The following DCAF1 variants were observed in gnomAD, a reference collection of about 807,000 sequenced individuals.
DCAF1 encodes the protein DDB1- and CUL4-associated factor 1.
A neutral mutation model predicts 128.0 loss-of-function variants in DCAF1; 15 were observed. The observed-to-expected ratio is 0.12, with a 90% CI of 0.08 to 0.18. DCAF1 has a LOEUF of 0.18. Ranked by LOEUF, DCAF1 falls within the 10% of genes least tolerant of loss-of-function variation. DCAF1 has a pLI of 1.00. For synonymous variants in DCAF1, 610 were observed against 603.0 expected, an observed-to-expected ratio of 1.01 and a Z score of -0.17; for missense variants, 988 against 1,649.5, an observed-to-expected ratio of 0.60 and a Z score of 6.95.
chr3:51,487,345 C>T (rs1234698345), intron 2 of DCAF1, among the ~76,000 whole-genome samples: 2 of 152,172 alleles, frequency 1.3e-5, no homozygotes, highest in African/African-American at 2.4e-5. Flanking sequence ...TTCCCACATA[C>T]CTCTCACCCA....
At position 51,413,369 on chromosome 3, in the gene DCAF1, C is replaced by T. The variant is rs1055511967; in HGVS notation, c.3949G>A (p.Asp1317Asn). ...VMYGAMLQADDEDDLMEERMK... is the reference protein window; with the variant it reads ...VMYGAMLQADNEDDLMEERMK... ...CTCTCTTCCATTAAGTCATCTTCAT[C>T]ATCTGCCTGCAACATAGCTTGAGGG... The change falls in exon 21 of 25, where the codon GAT becomes AAT. Residue 1317 changes from aspartate to asparagine, a missense_variant. Coordinates refer to ENST00000684031, the MANE Select transcript of DCAF1 (RefSeq NM_001387579.1). The T allele has an allele frequency of 1.9e-6, 3 of 1,612,952 alleles. No individual in the cohort carries two copies. The highest frequency in any genetic ancestry group is 2.5e-6 in the Non-Finnish European group (3 of 1,179,490).
intron 6 of DCAF1, among the ~76,000 whole-genome samples, chr3:51,449,786 A>G (rs1477903848): frequency 1.3e-5 from 2 of 152,180 alleles, no homozygotes; most frequent in Non-Finnish European, 2.9e-5. Context: ...GACTCACATT[A>G]CTAGCAACAG....
intron 18 of DCAF1, 70 bp from the exon 19 acceptor site, chr3:51,414,927 G>A: frequency 6.6e-7 from 1 of 1,524,998 alleles, no homozygotes; most frequent in Admixed American, 2.1e-5. Context: ...AAGAGAAAAT[G>A]TGCAAAGCAG....
At chr3:51,440,212 T>C (rs1428264203) in intron 9 of DCAF1, 1 of 492,904 alleles carries the variant, frequency 2.0e-6, no homozygotes, top group Non-Finnish European at 4.0e-6. Context: ...TAAACAAGAA[T>C]GTTTTGATTG....
chr3:51,419,842 C>T lies in DCAF1; in HGVS notation c.3128G>A (p.Arg1043Lys). Residue 1043 changes from arginine (R) to lysine (K), a missense_variant, in exon 15 of 25, where the codon AGG becomes AAG. By Grantham distance (26) the Arg-to-Lys change is conservative. Coordinates refer to ENST00000684031, the MANE Select transcript of DCAF1 (RefSeq NM_001387579.1). ...TPHQCPEPKQ[R>K]RQAPINFTSR... is the part of the protein sequence containing the mutation. Reference sequence around the variant, plus strand: ...CGTAAAGTTTATTGGCGCTTGCCGCCTCTGTTTTGGCTCAGGACATTGGTG... The same window carrying T: ...CGTAAAGTTTATTGGCGCTTGCCGCTTCTGTTTTGGCTCAGGACATTGGTG... 1.9e-6 allele frequency: 3 copies of T among 1,614,030 alleles called. No individual in the cohort carries two copies. Among genetic ancestry groups the T allele is most frequent in the Non-Finnish European group, 2.5e-6 (3 of 1,179,892 alleles).
intron 6 of DCAF1, among the ~76,000 whole-genome samples, chr3:51,462,397 C>A (rs573392156): frequency 1.8e-4 from 28 of 151,842 alleles, no homozygotes; most frequent in South Asian, 1.0e-3. Flanking sequence ...CCAGCCTGGG[C>A]GACAGAGCAA....
intron 3 of DCAF1, among the ~76,000 whole-genome samples, chr3:51,474,658 G>C (rs1185546363): frequency 2.0e-5 from 3 of 150,980 alleles, no homozygotes; most frequent in African/African-American, 7.3e-5. Context: ...TGTCTCTCAG[G>C]CTGGACTGCA....
chr3:51,464,548 T>G (rs539824388), intron 5 of DCAF1, among the ~76,000 whole-genome samples: 4 of 151,870 alleles, frequency 2.6e-5, no homozygotes, highest in Admixed American at 1.3e-4. Context: ...ATCAAAAAAT[T>G]TGCCAGGCAT....
chr3:51,428,612 T>TA (rs1700111315), intron 12 of DCAF1, among the ~76,000 whole-genome samples: 1 of 152,118 alleles, frequency 6.6e-6, no homozygotes, highest in Admixed American at 6.6e-5. Context: ...ACATATCAAA[T>TA]TCCACAATGA....
intron 2 of DCAF1, among the ~76,000 whole-genome samples, chr3:51,495,987 T>A (rs1708192900): frequency 6.6e-6 from 1 of 150,650 alleles, no homozygotes. Context: ...GTGCGAGACC[T>A]TGTCTCAAGG....
intron 23 of DCAF1, among the ~76,000 whole-genome samples, chr3:51,405,064 A>C (rs2090008616): frequency 6.6e-6 from 1 of 152,206 alleles, no homozygotes; most frequent in South Asian, 2.1e-4. Flanking sequence ...ACTTGACCAA[A>C]ATTAGCTAAT....
chr3:51,458,478 C>G (rs1248861600), intron 6 of DCAF1, among the ~76,000 whole-genome samples: 1 of 152,104 alleles, frequency 6.6e-6, no homozygotes, highest in African/African-American at 2.4e-5. Context: ...GACTTTAACA[C>G]CCCACTGTCA....
chr3:51,477,338 C>G (rs1461537526), intron 3 of DCAF1, among the ~76,000 whole-genome samples: 1 of 151,294 alleles, frequency 6.6e-6, no homozygotes, highest in Non-Finnish European at 1.5e-5. Flanking sequence ...AACAAAAAAC[C>G]CTAGAACTAT....
intron 3 of DCAF1, among the ~76,000 whole-genome samples, chr3:51,479,460 G>C (rs1705888239): frequency 6.6e-6 from 1 of 151,940 alleles, no homozygotes; most frequent in Non-Finnish European, 1.5e-5. Flanking sequence ...CCGAGATCAC[G>C]CCACTACACT....
At chr3:51,407,246 T>C (rs1378760028) in intron 23 of DCAF1, among the ~76,000 whole-genome samples, 1 of 152,022 alleles carries the variant, frequency 6.6e-6, no homozygotes, top group African/African-American at 2.4e-5. Context: ...TTGCTAAATG[T>C]ATAAATGCCT....
At chr3:51,481,334 G>A (rs1706169095) in intron 3 of DCAF1, among the ~76,000 whole-genome samples, 1 of 152,142 alleles carries the variant, frequency 6.6e-6, no homozygotes, top group Admixed American at 6.6e-5. Context: ...TGTATTAAAA[G>A]AGGGTAAACT....
intron 3 of DCAF1, among the ~76,000 whole-genome samples, chr3:51,479,674 T>C (rs1705918541): frequency 6.6e-6 from 1 of 151,992 alleles, no homozygotes; most frequent in African/African-American, 2.4e-5. Flanking sequence ...CGGGCACCTG[T>C]AGTCCCAGCT....
intron 7 of DCAF1, among the ~76,000 whole-genome samples, chr3:51,442,910 T>C (rs1553639266): frequency 2.6e-5 from 4 of 152,092 alleles, no homozygotes; most frequent in African/African-American, 9.7e-5. Context: ...CAATACACAC[T>C]GGGGCCTATC....
chr3:51,485,833 A>T (rs1207350039), intron 2 of DCAF1, among the ~76,000 whole-genome samples: 1 of 152,190 alleles, frequency 6.6e-6, no homozygotes, highest in African/African-American at 2.4e-5. Context: ...ATAACTCCAA[A>T]GGAAAATACC....
Sources: allele counts gnomAD v4.1 joint callset (sites outside exome capture counted in the v4.1 genomes callset), GRCh38; gene constraint gnomAD v4.1.1; transcripts MANE v1.5; gene names NCBI Gene and HGNC (gene_info 2026-07-23, HGNC 2026-07-21).